Variants in HDLBP observed in about 807,000 individuals in gnomAD.
The protein encoded by HDLBP is vigilin.
A neutral mutation model predicts 137.3 loss-of-function variants in HDLBP; 30 were observed. The observed-to-expected ratio is 0.22, with a 90% confidence interval of 0.16 to 0.30. HDLBP has a LOEUF of 0.30. Among genes scored for constraint, HDLBP ranks in the 10% least tolerant of loss-of-function variants. The probability of loss-of-function intolerance (pLI) is 1.00; values close to 1 mark genes in which losing one functional copy is unlikely to be tolerated. For synonymous variants in HDLBP, 606 were observed against 596.0 expected (o/e 1.02, Z -0.24); for missense variants, 1,119 against 1,667.3 (o/e 0.67, Z 5.73).
At position 241,264,433 on chromosome 2, in the gene HDLBP, G is replaced by A; in HGVS notation, c.234+15C>T. The A allele has an allele frequency of 1.9e-6, 3 of 1,550,388 alleles. No individual in the cohort carries two copies. ...TACATGATAAAATTTTTAAAAGAAA[G>A]AATGGTGTTTCTACCTGAGTGATGA... On this transcript the variant is annotated intron_variant, in intron 4 of 27. Transcript: ENST00000310931.
chr2:241,270,993 A>G (rs4675816), intron 1 of HDLBP: 776,475 of 984,186 alleles, frequency 0.79, 306,937 homozygotes, highest in East Asian at 0.95. Flanking sequence ...CAGGAAATTC[A>G]TGGCCTTCTC....
intron 3 of HDLBP, among the ~76,000 whole-genome samples, chr2:241,265,451 C>G (rs995994734): frequency 1.3e-5 from 2 of 152,186 alleles, no homozygotes; most frequent in Non-Finnish European, 2.9e-5. Context: ...ATTGTCACCG[C>G]TGATCTCCCC....
chr2:241,249,521 A>G, intron 12 of HDLBP: 1 of 525,570 alleles, frequency 1.9e-6, no homozygotes, highest in Non-Finnish European at 3.8e-6. Context: ...GATGCCTTTG[A>G]GAATCCAGAA....
intron 1 of HDLBP, among the ~76,000 whole-genome samples, chr2:241,274,428 T>C (rs2074316180): frequency 6.6e-6 from 1 of 152,246 alleles, no homozygotes; most frequent in South Asian, 2.1e-4. Flanking sequence ...CTGCTGTGGT[T>C]TGTTGGTAAC....
At chr2:241,298,083 G>T (rs113453819) in intron 1 of HDLBP, among the ~76,000 whole-genome samples, 1 of 82,280 alleles carries the variant, frequency 1.2e-5, no homozygotes, top group African/African-American at 4.7e-5. Flanking sequence ...AAAAAAAAAA[G>T]GGCCAGGCAT....
intron 14 of HDLBP, among the ~76,000 whole-genome samples, chr2:241,247,619 C>T (rs990576151): frequency 2.6e-5 from 4 of 152,212 alleles, no homozygotes; most frequent in Non-Finnish European, 4.4e-5. Flanking sequence ...CCTGTTCCCA[C>T]GTCAGTTTTT....
chr2:241,291,306 A>C (rs2075006081), intron 1 of HDLBP, among the ~76,000 whole-genome samples: 1 of 152,174 alleles, frequency 6.6e-6, no homozygotes, highest in Admixed American at 6.5e-5. Flanking sequence ...TCTAGGTCTA[A>C]GCAGAACACG....
chr2:241,275,254 A>G (rs1054517821), intron 1 of HDLBP, among the ~76,000 whole-genome samples: 3 of 152,216 alleles, frequency 2.0e-5, no homozygotes, highest in Admixed American at 2.0e-4. Flanking sequence ...CACAAATGGT[A>G]GAGAGGCTAA....
At chr2:241,247,461 G>A in intron 14 of HDLBP, 1 of 354,384 alleles carries the variant, frequency 2.8e-6, no homozygotes, top group Non-Finnish European at 5.3e-6. Flanking sequence ...GGGCAATTCT[G>A]CACTCACGGC....
intron 1 of HDLBP, among the ~76,000 whole-genome samples, chr2:241,308,809 G>T (rs1401426017): frequency 6.6e-6 from 1 of 152,132 alleles, no homozygotes; most frequent in Non-Finnish European, 1.5e-5. Flanking sequence ...AAGAAATGTC[G>T]TGAATGGTGT....
intron 5 of HDLBP, among the ~76,000 whole-genome samples, chr2:241,262,314 G>A (rs553817289): frequency 2.7e-4 from 41 of 152,316 alleles, no homozygotes; most frequent in African/African-American, 9.9e-4. Context: ...GGCCAGATGT[G>A]GTGGTGTGCC....
intron 1 of HDLBP, chr2:241,271,106 C>A: frequency 7.1e-6 from 7 of 985,428 alleles, no homozygotes; most frequent in Non-Finnish European, 8.4e-6. Context: ...CAAGTCCGCT[C>A]TCCTCCAAGG....
chr2:241,279,364 T>C (rs2074515169), intron 1 of HDLBP, among the ~76,000 whole-genome samples: 2 of 152,260 alleles, frequency 1.3e-5, no homozygotes, highest in African/African-American at 4.8e-5. Flanking sequence ...TATACACCAT[T>C]TTTAGAATAG....
chr2:241,229,625 G>C lies in HDLBP; in HGVS notation c.3783C>G (p.Thr1261=), dbSNP rs766752811. 6.2e-7 allele frequency: 1 copy of C among 1,613,892 alleles called. No individual in the cohort carries two copies. The highest frequency in any genetic ancestry group is 8.5e-7 in the Non-Finnish European group (1 of 1,179,846). ...ATTATCGTTTGGGGCCCCAAGGGAGGGTCTTGGGAGCCACCTGAGCCCCAA... is the reference window on the plus strand; with the variant it reads ...ATTATCGTTTGGGGCCCCAAGGGAGCGTCTTGGGAGCCACCTGAGCCCCAA... ...PSFGAQVAPK[T]LPWGPKR Residue 1261 remains threonine (T), a synonymous_variant, in exon 28 of 28, where the codon ACC becomes ACG. Transcript: ENST00000310931.
chr2:241,298,741 G>A (rs936381836), intron 1 of HDLBP, among the ~76,000 whole-genome samples: 1 of 152,208 alleles, frequency 6.6e-6, no homozygotes, highest in Non-Finnish European at 1.5e-5. Context: ...TTAGGATGCA[G>A]AGAAGAACCC....
intron 24 of HDLBP, among the ~76,000 whole-genome samples, chr2:241,232,864 G>A (rs1355347922): frequency 1.3e-5 from 2 of 150,644 alleles, no homozygotes; most frequent in Non-Finnish European, 3.0e-5. Flanking sequence ...ATTAAAAAAT[G>A]TATGTGGGGA....
intron 16 of HDLBP, among the ~76,000 whole-genome samples, chr2:241,244,720 C>G (rs1347916782): frequency 6.6e-6 from 1 of 152,020 alleles, no homozygotes; most frequent in East Asian, 1.9e-4. Context: ...AAGGATCACG[C>G]CAAGAAATGA....
Position 241,242,753 on chromosome 2 carries a change from C to T in HDLBP, c.1951-75G>A. ...AAGGGCAGAGGAAAAGATAAACTAT[C>T]ATCTTTGGTGGTGATGAACACGCAG... is the stretch of plus-strand genomic sequence containing the variant. On this transcript the variant is annotated intron_variant, in intron 16 of 27. Coordinates refer to ENST00000310931, the MANE Select transcript of HDLBP (RefSeq NM_005336.6). The T allele has an allele frequency of 3.2e-6, 4 of 1,262,808 alleles. No individual in the cohort carries two copies. In the South Asian group the frequency reaches 3.8e-5, roughly 12 times the overall value. 78.2% of individuals were successfully genotyped at this position (1,262,808 alleles called of 1,614,324 possible). A position where few individuals can be genotyped will look rare whatever the true frequency, so the allele number is the denominator to read the frequency against.
chr2:241,268,018 G>A (rs2073807506), intron 2 of HDLBP: 1 of 947,664 alleles, frequency 1.1e-6, no homozygotes, highest in Non-Finnish European at 1.3e-6. Flanking sequence ...CCCAGTTCCA[G>A]GTGAGCTCCA....
Sources: gnomAD v4.1 joint callset for allele counts (sites outside exome capture counted in the v4.1 genomes callset) on GRCh38, gnomAD v4.1.1 for gene constraint, MANE v1.5 for transcripts, NCBI Gene and HGNC (gene_info 2026-07-23, HGNC 2026-07-21) for gene names.